The following FER variants were observed in gnomAD, a reference collection of about 807,000 sequenced individuals.
FER encodes the protein FER tyrosine kinase, also known as tyrosine-protein kinase Fer.
FER carries 63 observed loss-of-function variants against 111.0 expected under a neutral mutation model. That is an observed-to-expected ratio of 0.57 (90% confidence interval 0.46 to 0.70). FER has a LOEUF of 0.70. Among genes scored for constraint, FER ranks in the 30% least tolerant of loss-of-function variants. FER has a pLI of 0.00. For missense variants in FER, 914 were observed against 954.0 expected, an observed-to-expected ratio of 0.96 and a Z score of 0.55; for synonymous variants, 327 against 313.9, an observed-to-expected ratio of 1.04 and a Z score of -0.44.
At chr5:109,060,782 A>ATG (rs1289954836) in intron 16 of FER, among the ~76,000 whole-genome samples, 2 of 147,716 alleles carry the variant, frequency 1.4e-5, no homozygotes, top group African/African-American at 2.5e-5. Flanking sequence ...GTATATATAT[A>ATG]TATATACACA....
At chr5:108,921,085 C>T (rs1752961140) in intron 10 of FER, among the ~76,000 whole-genome samples, 1 of 152,102 alleles carries the variant, frequency 6.6e-6, no homozygotes, top group African/African-American at 2.4e-5. Flanking sequence ...TCAAATGATA[C>T]TTCTTTGAGA....
chr5:109,111,519 C>T (rs551282440), intron 17 of FER, among the ~76,000 whole-genome samples: 1 of 148,262 alleles, frequency 6.7e-6, no homozygotes, highest in South Asian at 2.1e-4. Context: ...ATTGCTTTTG[C>T]ATCAACCTTA....
chr5:108,850,118 C>T (rs1762410560), intron 5 of FER, among the ~76,000 whole-genome samples: 1 of 151,590 alleles, frequency 6.6e-6, no homozygotes, highest in Non-Finnish European at 1.5e-5. Flanking sequence ...TTGCTTGAAC[C>T]TGGGAGGTGG....
chr5:108,841,274 C>T (rs1291650595), intron 5 of FER, among the ~76,000 whole-genome samples: 1 of 152,126 alleles, frequency 6.6e-6, no homozygotes. Context: ...CATAAAATAA[C>T]AGGTACTTAA....
chr5:109,180,368 G>T (rs1393039245), intron 17 of FER, among the ~76,000 whole-genome samples: 1 of 152,172 alleles, frequency 6.6e-6, no homozygotes, highest in Non-Finnish European at 1.5e-5. Flanking sequence ...CCACATTGCA[G>T]GTGTCCAGCA....
At chr5:108,871,309 T>C (rs1764577750) in intron 6 of FER, 56 bp from the exon 7 acceptor site, 1 of 1,407,640 alleles carries the variant, frequency 7.1e-7, no homozygotes. Flanking sequence ...CTTTTTGAGA[T>C]AGTATCTCTC....
chr5:108,984,323 TTAG>T (rs1762331786), intron 13 of FER, among the ~76,000 whole-genome samples: 1 of 152,120 alleles, frequency 6.6e-6, no homozygotes, highest in South Asian at 2.1e-4. Flanking sequence ...AACAATTCTA[TTAG>T]TCAAGTTAAT....
intron 13 of FER, among the ~76,000 whole-genome samples, chr5:109,013,732 C>G (rs1766640041): frequency 6.6e-6 from 1 of 151,822 alleles, no homozygotes; most frequent in Non-Finnish European, 1.5e-5. Context: ...TCCACATCCT[C>G]TCCAGCACCT....
intron 9 of FER, 60 bp from the exon 10 acceptor site, chr5:108,897,599 T>A: frequency 5.0e-6 from 6 of 1,209,000 alleles, no homozygotes; most frequent in Non-Finnish European, 6.6e-6. Context: ...TTTACATATA[T>A]GAGGTTTCCT....
chr5:109,170,418 A>G (rs1309244451), intron 17 of FER, among the ~76,000 whole-genome samples: 1 of 152,166 alleles, frequency 6.6e-6, no homozygotes, highest in African/African-American at 2.4e-5. Flanking sequence ...AAGAACACTA[A>G]ACACTGTGGA....
intron 16 of FER, among the ~76,000 whole-genome samples, chr5:109,074,441 G>A (rs554027083): frequency 6.6e-6 from 1 of 152,176 alleles, no homozygotes; most frequent in Non-Finnish European, 1.5e-5. Flanking sequence ...ATCTTTAGAA[G>A]TAAGTCAAAG....
chr5:109,091,080 A>C (rs964777966), intron 16 of FER, among the ~76,000 whole-genome samples: 9 of 152,214 alleles, frequency 5.9e-5, no homozygotes, highest in African/African-American at 2.2e-4. Flanking sequence ...GAAACCACTG[A>C]AGGTGTGGTT....
intron 14 of FER, among the ~76,000 whole-genome samples, chr5:109,043,971 G>GA (rs999777883): frequency 1.4e-5 from 2 of 145,788 alleles, no homozygotes; most frequent in Non-Finnish European, 3.0e-5. Context: ...CTCTGTCTCA[G>GA]AAAAAAAAAG....
intron 13 of FER, among the ~76,000 whole-genome samples, chr5:109,026,426 T>A (rs1294919684): frequency 2.0e-5 from 3 of 150,548 alleles, no homozygotes; most frequent in Admixed American, 6.6e-5. Context: ...TACTTTTCAA[T>A]AAGTTTTTTT....
chr5:109,187,762 T>G lies in FER; in HGVS notation c.*187T>G. The G allele has an allele frequency of 1.5e-6, 1 of 662,826 alleles. No individual in the cohort carries two copies. Among genetic ancestry groups the G allele is most frequent in the Non-Finnish European group, 2.5e-6 (1 of 400,558 alleles). 41.1% of individuals were successfully genotyped at this position (662,826 alleles called of 1,614,324 possible). ...GTCAAAGGCAAATTTGTTAAAGAAATAGGCAGTCCTACCAAGGGCTTTCTT... is the reference window on the plus strand; with the variant it reads ...GTCAAAGGCAAATTTGTTAAAGAAAGAGGCAGTCCTACCAAGGGCTTTCTT... On this transcript the variant is annotated 3_prime_UTR_variant, in exon 20 of 20. Coordinates refer to ENST00000281092, the MANE Select transcript of FER (RefSeq NM_005246.4).
intron 17 of FER, among the ~76,000 whole-genome samples, chr5:109,125,148 CA>C (rs1397832744): frequency 3.3e-5 from 5 of 151,762 alleles, no homozygotes; most frequent in Non-Finnish European, 5.9e-5. Flanking sequence ...TTGCTGTTCT[CA>C]AGATTCTAAT....
intron 10 of FER, among the ~76,000 whole-genome samples, chr5:108,900,094 A>G (rs1476286911): frequency 6.6e-6 from 1 of 152,222 alleles, no homozygotes; most frequent in Admixed American, 6.5e-5. Flanking sequence ...TGCTGAAGCA[A>G]TGCTTTTAGT....
At chr5:108,794,524 G>GCCCCCCCCCCCCCCCCCCCCCCCCCCCC (rs1415651696) in intron 2 of FER, among the ~76,000 whole-genome samples, 2 of 53,706 alleles carry the variant, frequency 3.7e-5, no homozygotes, top group African/African-American at 7.9e-5. Context: ...TGCCCCCTCC[G>GCCCCCCCCCCCCCCCCCCCCCCCCCCCC]CACCCCCCCC....
chr5:108,833,466 C>T (rs555086718), intron 4 of FER, among the ~76,000 whole-genome samples: 3 of 146,558 alleles, frequency 2.0e-5, no homozygotes, highest in East Asian at 2.0e-4. Flanking sequence ...GAATAGTCAC[C>T]GTTTTTTCTA....
Sources: gnomAD v4.1 joint callset for allele counts (sites outside exome capture counted in the v4.1 genomes callset) on GRCh38, gnomAD v4.1.1 for gene constraint, MANE v1.5 for transcripts, NCBI Gene and HGNC (gene_info 2026-07-23, HGNC 2026-07-21) for gene names.